The following C6orf89 variants were observed in gnomAD, a reference collection of about 807,000 sequenced individuals.
The protein encoded by C6orf89 is bombesin receptor-activated protein C6orf89.
A neutral mutation model predicts 40.7 loss-of-function variants in C6orf89; 29 were observed. The ratio of observed to expected loss-of-function variants is 0.71; its 90% CI spans 0.53 to 0.97. C6orf89 has a LOEUF of 0.97. Ranked by LOEUF, C6orf89 falls within the 50% of genes least tolerant of loss-of-function variation. The pLI, the probability that C6orf89 is intolerant of heterozygous loss-of-function variation, is 0.00. For synonymous variants in C6orf89, 165 were observed against 152.2 expected, an observed-to-expected ratio of 1.08 and a Z score of -0.62; for missense variants, 392 against 429.1, an observed-to-expected ratio of 0.91 and a Z score of 0.76.
upstream of C6orf89, among the ~76,000 whole-genome samples, chr6:36,881,632 C>T (rs1050248510): frequency 6.6e-6 from 1 of 152,218 alleles, no homozygotes; most frequent in African/African-American, 2.4e-5. Flanking sequence ...CAAGATCACA[C>T]CATTGCACTC....
chr6:36,872,810 A>G lies in C6orf89; in HGVS notation c.-628+843A>G, dbSNP rs544796041. ...TTTTTTGTAGAGATGGGGTTTCACC[A>G]TGTTGCCCGGGCTTGTCTTGAACTC... is the stretch of plus-strand genomic sequence containing the variant. On this transcript the variant is annotated intron_variant, in intron 1 of 9. Coordinates refer to the C6orf89 transcript ENST00000359359. Among the ~76,000 whole-genome samples, 4 of 152,248 alleles carry G rather than the reference A, an allele frequency of 2.6e-5. No individual in the cohort carries two copies. In the South Asian group the frequency reaches 8.3e-4, roughly 32 times the overall value.
At position 36,923,365 on chromosome 6, in the gene C6orf89, A is replaced by T; in HGVS notation, c.968A>T (p.His323Leu). 12 of 1,613,808 alleles carry T rather than the reference A, an allele frequency of 7.4e-6. No homozygotes were observed. Among genetic ancestry groups the T allele is most frequent in the Non-Finnish European group, 1.0e-5 (12 of 1,179,756 alleles). ...CCTCAAGGCTATGTCGACACCACCCACTGGAAGGTCTACGTTATAGCCAGA... is the reference window on the plus strand; with the variant it reads ...CCTCAAGGCTATGTCGACACCACCCTCTGGAAGGTCTACGTTATAGCCAGA... Reference protein sequence around the residue: ...PGDIGYVDTTHWKVYVIARGV... With the variant: ...PGDIGYVDTTLWKVYVIARGV... Residue 323 changes from histidine (H) to leucine (L), a missense_variant, in exon 9 of 9, where the codon CAC becomes CTC. By Grantham distance (99) the His-to-Leu change is moderately conservative. Transcript: ENST00000480824.
chr6:36,896,386 C>CTTTGGAATCCCAAA (rs1157611698), intron 2 of C6orf89, among the ~76,000 whole-genome samples: 2 of 152,188 alleles, frequency 1.3e-5, no homozygotes, highest in Non-Finnish European at 2.9e-5. Context: ...GGATTACAGA[C>CTTTGGAATCCCAAA]GTGAGCCACT....
intron 6 of C6orf89, 30 bp downstream of exon 6, chr6:36,914,723 C>T: frequency 6.2e-7 from 1 of 1,605,984 alleles, no homozygotes; most frequent in Non-Finnish European, 8.5e-7. Flanking sequence ...GGCACAGTGG[C>T]TCATGCCTGT....
upstream of C6orf89, among the ~76,000 whole-genome samples, chr6:36,885,292 T>C (rs1464127374): frequency 1.3e-5 from 2 of 152,256 alleles, no homozygotes; most frequent in Admixed American, 6.5e-5. Context: ...CACCGAGCTG[T>C]AACCAACCTC....
At chr6:36,895,579 A>G (rs1446234064) in intron 2 of C6orf89, among the ~76,000 whole-genome samples, 1 of 152,216 alleles carries the variant, frequency 6.6e-6, no homozygotes, top group Non-Finnish European at 1.5e-5. Flanking sequence ...CTGACTTCTC[A>G]TCTAAATGCA....
At chr6:36,907,963 C>T (rs1316826819) in intron 4 of C6orf89, among the ~76,000 whole-genome samples, 2 of 152,262 alleles carry the variant, frequency 1.3e-5, no homozygotes, top group Admixed American at 6.5e-5. Flanking sequence ...ATAGAGAACA[C>T]GTCAGACAAA....
chr6:36,900,203 T>G (rs1035881254), intron 3 of C6orf89, among the ~76,000 whole-genome samples: 2 of 150,952 alleles, frequency 1.3e-5, no homozygotes, highest in Non-Finnish European at 3.0e-5. Context: ...TTTGTTTTTT[T>G]TTGTTGTTTT....
intron 4 of C6orf89, among the ~76,000 whole-genome samples, chr6:36,908,709 C>T (rs1344945560): frequency 6.6e-6 from 1 of 152,208 alleles, no homozygotes; most frequent in Non-Finnish European, 1.5e-5. Flanking sequence ...GGCCGAGCAG[C>T]TTAAAACAAC....
rs1762448811 is a variant in C6orf89, at chr6:36,919,687, A to G, written c.935A>G (p.Glu312Gly). 1 of 1,613,306 alleles carries G rather than the reference A, an allele frequency of 6.2e-7. No individual in the cohort carries two copies. Among genetic ancestry groups the G allele is most frequent in the African/African-American group, 1.3e-5 (1 of 74,904 alleles). Residue 312 changes from glutamate (E) to glycine (G), a missense_variant, in exon 8 of 9, where the codon GAG becomes GGG. By Grantham distance (98) the Glu-to-Gly change is moderately conservative. Transcript: ENST00000480824. ...TGTCAGTCTGTGGCCATGCCAATAGAGCCAGGGGATATCGGTATGTAGGGC... is the reference window on the plus strand; with the variant it reads ...TGTCAGTCTGTGGCCATGCCAATAGGGCCAGGGGATATCGGTATGTAGGGC... ...RHCQSVAMPIEPGDIGYVDTT... is the reference protein window; with the variant it reads ...RHCQSVAMPIGPGDIGYVDTT...
chr6:36,909,825 C>T (rs1186868757), intron 4 of C6orf89, among the ~76,000 whole-genome samples: 3 of 151,374 alleles, frequency 2.0e-5, no homozygotes, highest in African/African-American at 7.3e-5. Flanking sequence ...CAAACAGAGG[C>T]TTATATATTA....
intron 2 of C6orf89, among the ~76,000 whole-genome samples, chr6:36,880,227 T>C (rs1162146619): frequency 6.6e-6 from 1 of 152,176 alleles, no homozygotes; most frequent in Non-Finnish European, 1.5e-5. Context: ...TGCTTAAAAG[T>C]CAGGTTAATT....
chr6:36,872,434 T>A (rs567147294), intron 1 of C6orf89, among the ~76,000 whole-genome samples: 1 of 152,164 alleles, frequency 6.6e-6, no homozygotes, highest in Non-Finnish European at 1.5e-5. Flanking sequence ...TGTGTTTGTT[T>A]GGGAGGGAGT....
chr6:36,880,321 CTCCAAGGACTCCACCAT>C (rs972238277), intron 2 of C6orf89, among the ~76,000 whole-genome samples: 2 of 152,206 alleles, frequency 1.3e-5, no homozygotes, highest in Admixed American at 1.3e-4. Context: ...GGCCCTGTTC[CTCCAAGGACTCCACCAT>C]AAAGCCAATA....
chr6:36,873,202 C>A (rs1315961331), intron 1 of C6orf89, among the ~76,000 whole-genome samples: 1 of 152,126 alleles, frequency 6.6e-6, no homozygotes. Flanking sequence ...AATGTGCATA[C>A]CTCAGTAATT....
intron 4 of C6orf89, among the ~76,000 whole-genome samples, chr6:36,903,895 T>G (rs1278017919): frequency 6.6e-6 from 1 of 151,948 alleles, no homozygotes; most frequent in Non-Finnish European, 1.5e-5. Context: ...CATTTGAAAA[T>G]TTCAGATGTA....
In C6orf89 at chr6:36,887,872, C is replaced by G. The variant is rs1583147805; in HGVS notation, c.-120+1844C>G. 5.9e-5 allele frequency among the ~76,000 whole-genome samples: 9 copies of G among 152,088 alleles called. No homozygotes were observed. The South Asian group carries it at 1.9e-3, about 32-fold the overall frequency. On this transcript the variant is annotated intron_variant, in intron 1 of 8. Coordinates refer to ENST00000480824, the MANE Select transcript of C6orf89 (RefSeq NM_001286635.2). ...AGCTGGGACTACAGGCAGGCACCAC[C>G]ACACTCGGCCAATTTTTATTTTTAT...
intron 1 of C6orf89, among the ~76,000 whole-genome samples, chr6:36,889,938 A>G (rs1471856267): frequency 6.6e-6 from 1 of 152,242 alleles, no homozygotes; most frequent in Non-Finnish European, 1.5e-5. Flanking sequence ...ATATAGCCAA[A>G]TGTAAACAAC....
At chr6:36,912,815 G>A (rs2150707885) in intron 4 of C6orf89, among the ~76,000 whole-genome samples, 2 of 152,330 alleles carry the variant, frequency 1.3e-5, no homozygotes, top group Middle Eastern at 6.8e-3. Context: ...TCCCTGACGA[G>A]GATTTCCTAT....
Sources: gnomAD v4.1 joint callset for allele counts (sites outside exome capture counted in the v4.1 genomes callset) on GRCh38, gnomAD v4.1.1 for gene constraint, MANE v1.5 for transcripts, NCBI Gene and HGNC (gene_info 2026-07-23, HGNC 2026-07-21) for gene names.